Variants in ESRRG observed in about 807,000 individuals in gnomAD.
ESRRG encodes the protein estrogen related receptor gamma.
Under a neutral mutation model 44.0 loss-of-function variants are expected in ESRRG, and 13 were observed. The observed-to-expected ratio is 0.30, with a 90% CI of 0.19 to 0.47. ESRRG has a LOEUF of 0.47. ESRRG is among the 20% of genes least tolerant of loss of function. The pLI is 1.00. For synonymous variants in ESRRG, 215 were observed against 214.6 expected, an observed-to-expected ratio of 1.00 and a Z score of -0.02; for missense variants, 395 against 580.6, an observed-to-expected ratio of 0.68 and a Z score of 3.29.
At chr1:217,056,268 G>A (rs2087068079) in intron 1 of ESRRG, among the ~76,000 whole-genome samples, 1 of 151,948 alleles carries the variant, frequency 6.6e-6, no homozygotes, top group African/African-American at 2.4e-5. Flanking sequence ...AAAGGATTAG[G>A]GTGTTTGTTA....
At chr1:216,799,917 A>G (rs2094569082) in intron 2 of ESRRG, among the ~76,000 whole-genome samples, 1 of 152,168 alleles carries the variant, frequency 6.6e-6, no homozygotes, top group Non-Finnish European at 1.5e-5. Flanking sequence ...GAACCATGTA[A>G]TGTTCTTGAG....
intron 1 of ESRRG, among the ~76,000 whole-genome samples, chr1:217,069,440 T>TAC (rs938716023): frequency 4.0e-5 from 6 of 150,458 alleles, no homozygotes; most frequent in Non-Finnish European, 4.4e-5. Context: ...TATATATATA[T>TAC]ACATATATAT....
At chr1:217,006,201 G>A (rs1475055673) in intron 1 of ESRRG, among the ~76,000 whole-genome samples, 1 of 152,080 alleles carries the variant, frequency 6.6e-6, no homozygotes, top group African/African-American at 2.4e-5. Context: ...GTTATGCTAA[G>A]AATGAATTTA....
Position 217,104,444 on chromosome 1 carries a change from T to G in ESRRG, c.-230+33223A>C, listed in dbSNP as rs2092561876. On this transcript the variant is annotated intron_variant, in intron 1 of 8. Transcript: ENST00000366940. Reference sequence around the variant, plus strand: ...AGCCTGGCTTCTAGACATGGCTCTATCACTCACCAGCCGAGTGGCCTTGGG... The same window carrying G: ...AGCCTGGCTTCTAGACATGGCTCTAGCACTCACCAGCCGAGTGGCCTTGGG... Among the ~76,000 whole-genome samples, 2 of 152,202 alleles carry G rather than the reference T, an allele frequency of 1.3e-5. 1 individual carries two copies.
chr1:216,538,800 T>C (rs937032339), intron 5 of ESRRG, among the ~76,000 whole-genome samples: 1 of 152,014 alleles, frequency 6.6e-6, no homozygotes, highest in Non-Finnish European at 1.5e-5. Context: ...AATGCACCAG[T>C]ATGATGAGGT....
At chr1:216,767,243 TA>T (rs2093127494) in intron 2 of ESRRG, among the ~76,000 whole-genome samples, 3 of 151,754 alleles carry the variant, frequency 2.0e-5, no homozygotes, top group Non-Finnish European at 4.4e-5. Flanking sequence ...CATTGGCTTC[TA>T]AAAAAAGAAA....
At chr1:216,510,232 T>A (rs1334173291) in intron 6 of ESRRG, among the ~76,000 whole-genome samples, 1 of 152,214 alleles carries the variant, frequency 6.6e-6, no homozygotes, top group Non-Finnish European at 1.5e-5. Context: ...TAGGTAGTTC[T>A]ACTGCCAAGC....
intron 2 of ESRRG, among the ~76,000 whole-genome samples, chr1:216,917,611 T>C (rs1212800682): frequency 6.6e-6 from 1 of 152,178 alleles, no homozygotes; most frequent in Non-Finnish European, 1.5e-5. Flanking sequence ...TGTGAGTCCC[T>C]TCCTACAACT....
chr1:216,725,886 C>T (rs2087420678), upstream of ESRRG, among the ~76,000 whole-genome samples: 1 of 152,152 alleles, frequency 6.6e-6, no homozygotes, highest in Admixed American at 6.5e-5. Context: ...CTCTTTATTA[C>T]TCCTTTGAAA....
intron 2 of ESRRG, among the ~76,000 whole-genome samples, chr1:216,914,227 C>T (rs942663643): frequency 9.2e-5 from 14 of 152,062 alleles, no homozygotes; most frequent in African/African-American, 2.9e-4. Flanking sequence ...AGCTCTGACA[C>T]GGGGGATTAA....
intron 5 of ESRRG, among the ~76,000 whole-genome samples, chr1:216,543,886 C>CA (rs1013549641): frequency 2.6e-5 from 4 of 151,680 alleles, no homozygotes; most frequent in Non-Finnish European, 4.4e-5. Context: ...GCTGAAAATG[C>CA]AAAAAAACTT....
At chr1:217,078,757 C>T (rs1006287014) in intron 1 of ESRRG, among the ~76,000 whole-genome samples, 2 of 152,134 alleles carry the variant, frequency 1.3e-5, no homozygotes, top group Non-Finnish European at 2.9e-5. Context: ...CTTATAGAAA[C>T]CTTTGTATGT....
At chr1:216,774,661 A>G (rs778809303) in intron 2 of ESRRG, among the ~76,000 whole-genome samples, 22 of 152,156 alleles carry the variant, frequency 1.4e-4, no homozygotes, top group Non-Finnish European at 2.2e-4. Context: ...ATTAATGAAA[A>G]GGCTCAAATG....
At chr1:216,837,103 AT>A (rs34901658) in intron 2 of ESRRG, among the ~76,000 whole-genome samples, 1 of 150,398 alleles carries the variant, frequency 6.6e-6, no homozygotes, top group Admixed American at 6.6e-5. Context: ...GATATATTCT[AT>A]TTTTTTTTTA....
chr1:217,046,404 T>A (rs768614160), intron 1 of ESRRG, among the ~76,000 whole-genome samples: 1 of 152,206 alleles, frequency 6.6e-6, no homozygotes, highest in African/African-American at 2.4e-5. Flanking sequence ...GTTTACTGAC[T>A]CTTTAGCCTA....
chr1:216,652,169 C>T (rs923720650), intron 2 of ESRRG, among the ~76,000 whole-genome samples: 9 of 152,240 alleles, frequency 5.9e-5, no homozygotes, highest in East Asian at 1.9e-4. Context: ...AGAGACGGTC[C>T]GAGCATAATT....
chr1:216,617,890 G>C (rs1007094468), intron 3 of ESRRG, among the ~76,000 whole-genome samples: 18 of 152,226 alleles, frequency 1.2e-4, no homozygotes, highest in African/African-American at 4.3e-4. Context: ...CCAAACCATT[G>C]GATGTCAGAA....
intron 2 of ESRRG, among the ~76,000 whole-genome samples, chr1:216,796,621 T>C (rs1044358996): frequency 6.6e-6 from 1 of 152,166 alleles, no homozygotes; most frequent in Non-Finnish European, 1.5e-5. Flanking sequence ...TGGCCTCTAC[T>C]GTTTCTTCTA....
chr1:216,909,643 C>T (rs2060087701), intron 2 of ESRRG, among the ~76,000 whole-genome samples: 1 of 152,124 alleles, frequency 6.6e-6, no homozygotes, highest in Admixed American at 6.5e-5. Flanking sequence ...CCTCAGCCTC[C>T]CAAATTGCTG....
Sources: allele counts gnomAD v4.1 joint callset (sites outside exome capture counted in the v4.1 genomes callset), GRCh38; gene constraint gnomAD v4.1.1; transcripts MANE v1.5; gene names NCBI Gene and HGNC (gene_info 2026-07-23, HGNC 2026-07-21).